Variants in PRKN observed in about 807,000 individuals in gnomAD.
PRKN encodes E3 ubiquitin-protein ligase parkin.
In PRKN, 56 loss-of-function variants were observed where a neutral mutation model predicts 59.5. The observed-to-expected ratio is 0.94, with a 90% confidence interval of 0.76 to 1.18. The LOEUF (loss-of-function observed/expected upper bound fraction) is 1.18, where lower values mean the gene tolerates loss of function less well. PRKN is among the 50% of genes most tolerant of loss of function. The pLI, the probability that PRKN is intolerant of heterozygous loss-of-function variation, is 0.00. For synonymous variants in PRKN, 250 were observed against 222.1 expected, an observed-to-expected ratio of 1.13 and a Z score of -1.12; for missense variants, 657 against 596.4, an observed-to-expected ratio of 1.10 and a Z score of -1.06.
intron 6 of PRKN, among the ~76,000 whole-genome samples, chr6:161,793,930 G>A (rs763153421): frequency 3.3e-5 from 5 of 152,084 alleles, no homozygotes; most frequent in Admixed American, 2.6e-4. Context: ...CATCCCATCT[G>A]GGGTATTCAA....
At chr6:162,540,446 T>C (rs1778884022) in intron 1 of PRKN, among the ~76,000 whole-genome samples, 1 of 152,016 alleles carries the variant, frequency 6.6e-6, no homozygotes, top group Admixed American at 6.6e-5. Context: ...CAGAATACAA[T>C]CCTGAAAAAG....
At chr6:162,564,480 C>T (rs1329406255) in intron 1 of PRKN, among the ~76,000 whole-genome samples, 3 of 151,950 alleles carry the variant, frequency 2.0e-5, no homozygotes, top group Non-Finnish European at 4.4e-5. Context: ...AGAAAGATAT[C>T]AATATACAAC....
intron 4 of PRKN, among the ~76,000 whole-genome samples, chr6:162,190,633 C>T (rs1784238217): frequency 6.6e-6 from 1 of 152,206 alleles, no homozygotes; most frequent in South Asian, 2.1e-4. Flanking sequence ...TGCACGCATA[C>T]ATTCATAATG....
intron 1 of PRKN, among the ~76,000 whole-genome samples, chr6:162,720,982 C>T (rs1008409499): frequency 3.3e-5 from 5 of 152,130 alleles, no homozygotes; most frequent in Admixed American, 3.3e-4. Flanking sequence ...TGAAATAAAA[C>T]ACCTGTCAAT....
In PRKN at chr6:162,610,427, G is replaced by A. The variant is rs77998818; in HGVS notation, c.7+117235C>T. ...ACGAATGTGCTGCTACGCTGTTAGA[G>A]GTCACTATTCCAACATGGAAGCAAC... On this transcript the variant is annotated intron_variant, in intron 1 of 11. Coordinates refer to ENST00000366898, the MANE Select transcript of PRKN (RefSeq NM_004562.3). 6.9e-3 allele frequency among the ~76,000 whole-genome samples: 1,044 copies of A among 152,280 alleles called. 10 individuals are homozygous for A. Among genetic ancestry groups the A allele is most frequent in the African/African-American group, 0.023 (960 of 41,550 alleles).
intron 6 of PRKN, among the ~76,000 whole-genome samples, chr6:161,827,102 T>C (rs2128217848): frequency 6.6e-6 from 1 of 152,336 alleles, no homozygotes; most frequent in African/African-American, 2.4e-5. Context: ...CATGGATTCA[T>C]GGCCAAACTG....
intron 1 of PRKN, among the ~76,000 whole-genome samples, chr6:162,627,077 G>A (rs1164159738): frequency 6.6e-6 from 1 of 152,116 alleles, no homozygotes; most frequent in Non-Finnish European, 1.5e-5. Flanking sequence ...TGCAGTGCTG[G>A]AGACTGAGAT....
At chr6:162,715,993 C>T (rs892440213) in intron 1 of PRKN, among the ~76,000 whole-genome samples, 4 of 152,320 alleles carry the variant, frequency 2.6e-5, no homozygotes, top group South Asian at 2.1e-4. Flanking sequence ...ATGATAACAT[C>T]TATTATTGTC....
In PRKN at chr6:161,533,940, C is replaced by T. The variant is rs148304283; in HGVS notation, c.1083+14914G>A. Among the ~76,000 whole-genome samples the T allele has an allele frequency of 7.9e-5, 12 of 152,218 alleles. No homozygotes were observed. The highest frequency in any genetic ancestry group is 2.9e-4 in the African/African-American group (12 of 41,530). On this transcript the variant is annotated intron_variant, in intron 9 of 11. Coordinates refer to ENST00000366898, the MANE Select transcript of PRKN (RefSeq NM_004562.3). The surrounding 1 kb of genome is among the most constrained non-coding windows in gnomAD (Gnocchi z 4.1). ...AAGGTAGGAAGGCTGTATATTCACA[C>T]GACACTCGCCGTCACAGTGGTCTCT...
At chr6:162,064,324 T>C (rs966169772) in intron 4 of PRKN, among the ~76,000 whole-genome samples, 2 of 152,172 alleles carry the variant, frequency 1.3e-5, no homozygotes, top group Non-Finnish European at 2.9e-5. Context: ...TTGGTTGGGG[T>C]AGTAGTTACA....
At chr6:161,961,130 C>T (rs1051991253) in intron 6 of PRKN, among the ~76,000 whole-genome samples, 2 of 152,172 alleles carry the variant, frequency 1.3e-5, no homozygotes, top group African/African-American at 2.4e-5. Context: ...ATTATCCTGA[C>T]GTACACATGT....
At chr6:161,420,560 C>T (rs761050111) in intron 9 of PRKN, among the ~76,000 whole-genome samples, 9 of 151,826 alleles carry the variant, frequency 5.9e-5, no homozygotes, top group South Asian at 2.1e-4. Flanking sequence ...GTCACCCAGG[C>T]GGGAGTGCAA....
At chr6:162,556,086 C>A (rs544313568) in intron 1 of PRKN, among the ~76,000 whole-genome samples, 2 of 151,746 alleles carry the variant, frequency 1.3e-5, no homozygotes, top group Admixed American at 1.3e-4. Flanking sequence ...AGGCAGCTAG[C>A]TGGGCCTGAT....
rs145158545 is a variant in PRKN at position 162,245,297 on chromosome 6, C to T, written c.412+17228G>A. On this transcript the variant is annotated intron_variant, in intron 3 of 11. Transcript: ENST00000366898. ...AACCTCAAATATTATGGTTTATTGC[C>T]CTGTAAACACTTGACAAGATTTGTA... 9.4e-4 allele frequency among the ~76,000 whole-genome samples: 143 copies of T among 151,892 alleles called. 3 individuals are homozygous for T. The East Asian group carries it at 0.023, about 25-fold the overall frequency.
chr6:162,645,006 T>C (rs1245427200), intron 1 of PRKN, among the ~76,000 whole-genome samples: 3 of 152,220 alleles, frequency 2.0e-5, no homozygotes, highest in Non-Finnish European at 4.4e-5. Context: ...TTGCTATTAA[T>C]ATTATTGAAT....
At chr6:162,491,307 C>G (rs1792805097) in intron 1 of PRKN, among the ~76,000 whole-genome samples, 1 of 151,548 alleles carries the variant, frequency 6.6e-6, no homozygotes, top group Non-Finnish European at 1.5e-5. Flanking sequence ...AAGGATGGCA[C>G]CAGGGACCAC....
chr6:161,889,345 C>T (rs972062704), intron 6 of PRKN, among the ~76,000 whole-genome samples: 1 of 152,064 alleles, frequency 6.6e-6, no homozygotes, highest in East Asian at 1.9e-4. Flanking sequence ...CTGCCAAAAA[C>T]GAGAGCCCAG....
intron 6 of PRKN, among the ~76,000 whole-genome samples, chr6:161,897,804 C>T (rs1330510010): frequency 8.2e-6 from 1 of 121,574 alleles, no homozygotes; most frequent in Non-Finnish European, 1.6e-5. Context: ...CCCGTCTCTA[C>T]TGAAAATACA....
chr6:162,467,513 T>C (rs1791483795), intron 1 of PRKN, among the ~76,000 whole-genome samples: 1 of 152,182 alleles, frequency 6.6e-6, no homozygotes, highest in Non-Finnish European at 1.5e-5. Flanking sequence ...TATCCCTTTA[T>C]CCCTATCATT....
Sources: allele counts gnomAD v4.1 joint callset (sites outside exome capture counted in the v4.1 genomes callset), GRCh38; gene constraint gnomAD v4.1.1; non-coding constraint Gnocchi (gnomAD v3.1); transcripts MANE v1.5; gene names NCBI Gene and HGNC (gene_info 2026-07-23, HGNC 2026-07-21).